RORA: variants seen among roughly 807,000 people sequenced by gnomAD.
RORA encodes the protein nuclear receptor ROR-alpha.
In RORA, 7 loss-of-function variants were observed where a neutral mutation model predicts 69.5. The observed-to-expected ratio is 0.10, with a 90% confidence interval of 0.06 to 0.19. RORA has a LOEUF of 0.19. Among genes scored for constraint, RORA ranks in the 10% least tolerant of loss-of-function variants. RORA has a pLI of 1.00. For synonymous variants in RORA, 261 were observed against 240.8 expected (o/e 1.08, Z -0.78); for missense variants, 457 against 663.0 (o/e 0.69, Z 3.41).
At chr15:60,775,913 T>C (rs141777015) in intron 1 of RORA, among the ~76,000 whole-genome samples, 137 of 152,306 alleles carry the variant, frequency 9.0e-4, no homozygotes, top group East Asian at 1.2e-3. Flanking sequence ...AAACATCTCC[T>C]ACCTGGGGCT....
chr15:60,841,691 C>T (rs986778428), intron 1 of RORA, among the ~76,000 whole-genome samples: 3 of 152,274 alleles, frequency 2.0e-5, no homozygotes, highest in Middle Eastern at 3.4e-3. Flanking sequence ...GAGCCAACAC[C>T]CCTCCACACA....
chr15:60,642,701 G>C (rs1433146406), intron 2 of RORA, among the ~76,000 whole-genome samples: 1 of 151,968 alleles, frequency 6.6e-6, no homozygotes, highest in Non-Finnish European at 1.5e-5. Context: ...GACCAGCCTA[G>C]GCAACAAAAA....
chr15:61,137,083 GA>G (rs2079251328), intron 1 of RORA, among the ~76,000 whole-genome samples: 4 of 146,492 alleles, frequency 2.7e-5, no homozygotes, highest in Non-Finnish European at 4.5e-5. Context: ...AAGAAAGAAA[GA>G]AAGAAAGAAA....
chr15:61,013,950 A>AT (rs1895187396), intron 1 of RORA, among the ~76,000 whole-genome samples: 1 of 151,836 alleles, frequency 6.6e-6, no homozygotes, highest in African/African-American at 2.4e-5. Flanking sequence ...CGCCAGGCTA[A>AT]TTTTTTGTAT....
At chr15:60,499,221 A>G (rs535588789) in intron 10 of RORA, among the ~76,000 whole-genome samples, 4 of 152,288 alleles carry the variant, frequency 2.6e-5, no homozygotes, top group Admixed American at 2.0e-4. Flanking sequence ...TTAGTCCTTT[A>G]TAACTTCTTC....
intron 1 of RORA, among the ~76,000 whole-genome samples, chr15:60,717,685 A>T (rs2071237632): frequency 6.6e-6 from 1 of 152,224 alleles, no homozygotes; most frequent in South Asian, 2.1e-4. Flanking sequence ...TAAAAAATAC[A>T]GATGAAATCT....
chr15:61,107,636 G>A (rs566945246), intron 1 of RORA, among the ~76,000 whole-genome samples: 230 of 151,932 alleles, frequency 1.5e-3, no homozygotes, highest in Middle Eastern at 6.8e-3. Flanking sequence ...CTATTGATAT[G>A]TTAATTAAAA....
intron 1 of RORA, among the ~76,000 whole-genome samples, chr15:60,718,644 T>C (rs2071251462): frequency 6.6e-6 from 1 of 151,740 alleles, no homozygotes. Flanking sequence ...CAGAGTGGAG[T>C]AGTGAGAAAT....
At chr15:60,677,136 G>T (rs2140746088) in intron 2 of RORA, 2 of 455,894 alleles carry the variant, frequency 4.4e-6, no homozygotes, top group South Asian at 3.1e-5. Flanking sequence ...CTAGCAGAAA[G>T]ACTGAATTAC....
At chr15:61,070,961 A>C (rs2078333632) in intron 1 of RORA, among the ~76,000 whole-genome samples, 1 of 151,894 alleles carries the variant, frequency 6.6e-6, no homozygotes, top group South Asian at 2.1e-4. Flanking sequence ...ACATATTCAG[A>C]TTACATTCTA....
intron 1 of RORA, among the ~76,000 whole-genome samples, chr15:60,911,069 ATTTTTTTTTTTTTTTTTTTTTTTT>A (rs528370848): frequency 3.3e-5 from 3 of 89,700 alleles, no homozygotes; most frequent in African/African-American, 5.2e-5. Context: ...TGCCCAGCTA[ATTTTTTTTTTTTTTTTTTTTTTTT>A]TTTTTTTTTT....
intron 2 of RORA, among the ~76,000 whole-genome samples, chr15:60,636,013 AC>A (rs1176311178): frequency 6.6e-6 from 1 of 152,048 alleles, no homozygotes; most frequent in Non-Finnish European, 1.5e-5. Flanking sequence ...AGTCTGTAAG[AC>A]TTGCCATTTT....
chr15:60,771,779 T>C (rs1207592150), intron 1 of RORA, among the ~76,000 whole-genome samples: 1 of 152,220 alleles, frequency 6.6e-6, no homozygotes. Context: ...AGCCACTTGT[T>C]CTCTCTGTAG....
rs17237346 is a variant in RORA at position 60,710,580 on chromosome 15, C to T, written c.167-31894G>A. Among the ~76,000 whole-genome samples the T allele has an allele frequency of 6.6e-3, 1,005 of 152,256 alleles. 31 individuals are homozygous for T. The East Asian group carries it at 0.086, about 13-fold the overall frequency. On this transcript the variant is annotated intron_variant, in intron 1 of 10. Transcript: ENST00000335670. Reference sequence around the variant, plus strand: ...TCAATCAGAGTGCAGATAAGTAACCCGTCTAAGATGTGGTGCAGGATATGT... The same window carrying T: ...TCAATCAGAGTGCAGATAAGTAACCTGTCTAAGATGTGGTGCAGGATATGT...
At chr15:61,202,758 C>T (rs949169157) in intron 1 of RORA, among the ~76,000 whole-genome samples, 2 of 152,014 alleles carry the variant, frequency 1.3e-5, no homozygotes, top group Non-Finnish European at 2.9e-5. Context: ...ACCTGGAATT[C>T]CAGGTAGAAA....
intron 1 of RORA, among the ~76,000 whole-genome samples, chr15:61,068,951 C>G (rs570033339): frequency 6.6e-6 from 1 of 152,330 alleles, no homozygotes; most frequent in Non-Finnish European, 1.5e-5. Context: ...TATAGAAACT[C>G]TTAATATACT....
chr15:61,001,146 C>G (rs1302737017), intron 1 of RORA, among the ~76,000 whole-genome samples: 1 of 152,210 alleles, frequency 6.6e-6, no homozygotes, highest in Non-Finnish European at 1.5e-5. Context: ...CTGCTTTGTC[C>G]CATCCCAAGT....
chr15:60,715,242 T>C (rs1429769498), intron 1 of RORA, among the ~76,000 whole-genome samples: 1 of 152,150 alleles, frequency 6.6e-6, no homozygotes, highest in African/African-American at 2.4e-5. Context: ...GAATCCAACA[T>C]ACAAGGACAT....
chr15:60,974,805 G>T (rs1274897904), intron 1 of RORA, among the ~76,000 whole-genome samples: 1 of 152,196 alleles, frequency 6.6e-6, no homozygotes, highest in African/African-American at 2.4e-5. Context: ...ACCGTATCAG[G>T]TAACTTTTCC....
Sources: allele counts gnomAD v4.1 joint callset (sites outside exome capture counted in the v4.1 genomes callset), GRCh38; gene constraint gnomAD v4.1.1; transcripts MANE v1.5; gene names NCBI Gene and HGNC (gene_info 2026-07-23, HGNC 2026-07-21).